TTN: variants seen among roughly 807,000 people sequenced by gnomAD.
TTN encodes connectin.
In TTN, 1,525 loss-of-function variants were observed where a neutral mutation model predicts 3,223.0. The ratio of observed to expected loss-of-function variants is 0.47; its 90% CI spans 0.45 to 0.49. The LOEUF (loss-of-function observed/expected upper bound fraction) is 0.49, where lower values mean the gene tolerates loss of function less well. Among genes scored for constraint, TTN ranks in the 20% least tolerant of loss-of-function variants. TTN has a pLI of 0.00. For synonymous variants in TTN, 14,094 were observed against 15,161.0 expected (o/e 0.93, Z 5.17); for missense variants, 40,786 against 43,424.0 (o/e 0.94, Z 5.40).
rs780845008 is a variant in TTN at position 178,704,889 on chromosome 2, C to A, written c.29682G>T (p.Leu9894=). 1 of 1,613,424 alleles carries A rather than the reference C, an allele frequency of 6.2e-7. No homozygotes were observed. Among genetic ancestry groups the A allele is most frequent in the South Asian group, 1.1e-5 (1 of 91,016 alleles). ...TAATTCTTTTTACCTCTGTCTGTGA[C>A]AGTCTTTGCTGAATAAATGATACAA... ...EELVSFIQQR[L]SQTEPVTLIK... The change falls in exon 104 of 363, where the codon CTG becomes CTT. Residue 9894 remains leucine (L), a synonymous_variant. Transcript: ENST00000589042.
Position 178,529,974 on chromosome 2 carries a change from T to G in TTN, c.106517A>C (p.Lys35506Thr), listed in dbSNP as rs1688340193. The G allele has an allele frequency of 5.6e-6, 9 of 1,595,150 alleles. No homozygotes were observed. Among genetic ancestry groups the G allele is most frequent in the Non-Finnish European group, 6.8e-6 (8 of 1,175,612 alleles). ...AGCCAACCTACCTTTTATTGTTAATTTGCAGCTAGAGGACACAGATCCAGC... is the reference window on the plus strand; with the variant it reads ...AGCCAACCTACCTTTTATTGTTAATGTGCAGCTAGAGGACACAGATCCAGC... Reference protein sequence around the residue: ...NSAGSVSSSCKLTIKAIKDTE... With the variant: ...NSAGSVSSSCTLTIKAIKDTE... Residue 35506 changes from lysine (K) to threonine (T), a missense_variant, in exon 359 of 363, where the codon AAA becomes ACA. Lys to Thr is a moderately conservative substitution (Grantham distance 78). Transcript: ENST00000589042.
chr2:178,575,165 G>A lies in TTN; in HGVS notation c.70967C>T (p.Pro23656Leu), dbSNP rs368938701. 4 of 1,612,534 alleles carry A rather than the reference G, an allele frequency of 2.5e-6. No individual in the cohort carries two copies. Among genetic ancestry groups the A allele is most frequent in the Non-Finnish European group, 3.4e-6 (4 of 1,179,326 alleles). Residue 23656 changes from proline to leucine, a missense_variant, in exon 326 of 363, where the codon CCA (proline) becomes CTA (leucine). By Grantham distance (98) the Pro-to-Leu change is moderately conservative (BLOSUM62 -3). Coordinates refer to ENST00000589042, the MANE Select transcript of TTN (RefSeq NM_001267550.2). The surrounding 1 kb of genome is among the most constrained non-coding windows in gnomAD (Gnocchi z 4.0). Reference protein sequence around the residue: ...KAGDNIKVEIPVLGRPKPTVT... With the variant: ...KAGDNIKVEILVLGRPKPTVT... The stretch of plus-strand genomic sequence containing the variant: ...TGTGGGCTTCGGTCGACCGAGCACT[G>A]GAATTTCAACTTTGATGTTGTCACC...
At chr2:178,671,212 A>G (rs778191097) in intron 155 of TTN, 42 bp from the exon 156 acceptor site, 1 of 1,466,936 alleles carries the variant, frequency 6.8e-7, no homozygotes, top group Non-Finnish European at 9.2e-7. Context: ...GAACTCTTGA[A>G]GTATTTTGGA....
rs773339782 is a variant in TTN at position 178,552,613 on chromosome 2, T to A, written c.90287A>T (p.Gln30096Leu). 1.9e-6 allele frequency: 3 copies of A among 1,613,820 alleles called. No homozygotes were observed. Among genetic ancestry groups the A allele is most frequent in the Non-Finnish European group, 2.5e-6 (3 of 1,179,848 alleles). ...CEIEVSQLKE[Q>L]SVLEFRVFAK... ...AAACACTCTGAACTCCAGGACTGACTGCTCCTTAAGTTGGCTAACCTCAAT... is the reference window on the plus strand; with the variant it reads ...AAACACTCTGAACTCCAGGACTGACAGCTCCTTAAGTTGGCTAACCTCAAT... The change falls in exon 335 of 363, where the codon CAG (glutamine) becomes CTG (leucine). Residue 30096 changes from glutamine to leucine, a missense_variant. Physicochemically the swap from Gln to Leu is moderately radical, Grantham distance 113. Transcript: ENST00000589042.
In TTN at chr2:178,633,176, T is replaced by C. The variant is rs1480726260; in HGVS notation, c.43086+11A>G. The C allele has an allele frequency of 3.1e-6, 5 of 1,609,468 alleles. No individual in the cohort carries two copies. Among genetic ancestry groups the C allele is most frequent in the Admixed American group, 1.7e-5 (1 of 59,640 alleles). ...ACCCCTCTCCTATATAATTAGCTAA[T>C]CTTGACTTACAGGGGAAGCTGTCAA... is the stretch of plus-strand genomic sequence containing the variant. On this transcript the variant is annotated intron_variant, in intron 233 of 362. Transcript: ENST00000589042.
chr2:178,693,974 T>G lies in TTN; in HGVS notation c.31461A>C (p.Ser10487=). Residue 10487 remains serine (S), a synonymous_variant, in exon 118 of 363, where the codon TCA becomes TCC. Coordinates refer to ENST00000589042, the MANE Select transcript of TTN (RefSeq NM_001267550.2). ...GAGAAGCAAAGAACATCTTTTCTTC[T>G]GAAATAACCATCTTCTTTGTATGCA... ...PAVHTKKMVI[S]EEKMFFASHT... The G allele has an allele frequency of 6.2e-7, 1 of 1,612,696 alleles. No individual in the cohort carries two copies.
At chr2:178,654,176 G>A in intron 193 of TTN, 32 bp downstream of exon 193, 1 of 1,585,930 alleles carries the variant, frequency 6.3e-7, no homozygotes, top group Non-Finnish European at 8.5e-7. Flanking sequence ...CAGACAGTAA[G>A]TTATTCTTAG....
At chr2:178,774,654 T>C (rs2091987471) in intron 29 of TTN, 181 bp from the exon 30 acceptor site, 1 of 699,268 alleles carries the variant, frequency 1.4e-6, no homozygotes, top group Non-Finnish European at 2.3e-6. Flanking sequence ...TTTATTTTAA[T>C]TTTTAAATAT....
chr2:178,703,061 T>C (rs1015672960), intron 106 of TTN, among the ~76,000 whole-genome samples: 1 of 152,218 alleles, frequency 6.6e-6, no homozygotes, highest in African/African-American at 2.4e-5. Context: ...ATTTTTGCTA[T>C]TCAGGATCTA....
intron 273 of TTN, 33 bp from the exon 274 acceptor site, chr2:178,608,941 T>C: frequency 6.3e-7 from 1 of 1,589,240 alleles, no homozygotes; most frequent in Non-Finnish European, 8.5e-7. Flanking sequence ...TAATCAAAAA[T>C]TTGTGTGGGA....
In TTN at chr2:178,561,558, C is replaced by T. The variant is rs879123930; in HGVS notation, c.84574G>A (p.Glu28192Lys). ...GGSRVIGYHL[E>K]YKERSSILWS... Reference sequence around the variant, plus strand: ...AGAATGCTGCTTCTTTCTTTATACTCAAGATGATAGCCAATTACTCGACTT... The same window carrying T: ...AGAATGCTGCTTCTTTCTTTATACTTAAGATGATAGCCAATTACTCGACTT... Residue 28192 changes from glutamate (E) to lysine (K), a missense_variant, in exon 326 of 363, where the codon GAG (glutamate) becomes AAG (lysine). By Grantham distance (56) the Glu-to-Lys change is moderately conservative. Transcript: ENST00000589042. The T allele has an allele frequency of 2.5e-6, 4 of 1,613,192 alleles. No homozygotes were observed. The highest frequency in any genetic ancestry group is 3.4e-6 in the Non-Finnish European group (4 of 1,179,576).
rs143352892 is a variant in TTN at position 178,704,978 on chromosome 2, A to G, written c.29605-12T>C. The G allele has an allele frequency of 2.2e-3, 3,476 of 1,611,396 alleles. 51 individuals are homozygous for G. Among genetic ancestry groups the G allele is most frequent in the South Asian group, 0.021 (1,919 of 90,700 alleles). ...ATTTCCTCAATTTCCTGAGAAGAAC[A>G]AAAATGATAGGCATTACAGATGAAA... On this transcript the variant is annotated splice_polypyrimidine_tract_variant and intron_variant, in intron 103 of 362. Coordinates refer to ENST00000589042, the MANE Select transcript of TTN (RefSeq NM_001267550.2).
chr2:178,729,777 C>T lies in TTN; in HGVS notation c.18476G>A (p.Gly6159Asp), dbSNP rs1214856110. 9 of 1,613,726 alleles carry T rather than the reference C, an allele frequency of 5.6e-6. No homozygotes were observed. The East Asian group carries it at 2.0e-4, about 36-fold the overall frequency. The change falls in exon 63 of 363, where the codon GGT becomes GAT. Residue 6159 changes from glycine to aspartate, a missense_variant. Transcript: ENST00000589042. ...IQKHGISFID[G>D]LATFQISGAR... The stretch of plus-strand genomic sequence containing the variant: ...ACCAGAAATCTGGAAAGTGGCTAAA[C>T]CATCAATGAAGGAAATGCCATGTTT...
In TTN at chr2:178,553,936, G is replaced by A. The variant is rs769710872; in HGVS notation, c.89175C>T (p.Phe29725=). The change falls in exon 333 of 363, where the codon TTC becomes TTT. Residue 29725 remains phenylalanine, a synonymous_variant. Coordinates refer to ENST00000589042, the MANE Select transcript of TTN (RefSeq NM_001267550.2). ...TACCAATAGGATCAGCAGCTTTGTA[G>A]AATTCAGATGGTTCAGAAAATGGAC... ...GQGPFSEPSE[F]YKAADPIDPP... is the part of the protein sequence containing the mutation. 5.0e-6 allele frequency: 8 copies of A among 1,602,932 alleles called. 2 individuals are homozygous for A. The South Asian group carries it at 7.8e-5, about 16-fold the overall frequency.
chr2:178,556,790 G>C, intron 330 of TTN, 58 bp downstream of exon 330: 2 of 1,576,558 alleles, frequency 1.3e-6, no homozygotes, highest in Non-Finnish European at 1.7e-6. Context: ...CCAGGAAAAG[G>C]TATGCGGAAA....
Position 178,729,795 on chromosome 2 carries a change from C to T in TTN, c.18458G>A (p.Gly6153Asp), listed in dbSNP as rs374460910. The change falls in exon 63 of 363, where the codon GGC becomes GAC. Residue 6153 changes from glycine (G) to aspartate (D), a missense_variant. Coordinates refer to ENST00000589042, the MANE Select transcript of TTN (RefSeq NM_001267550.2). Reference sequence around the variant, plus strand: ...GGCTAAACCATCAATGAAGGAAATGCCATGTTTCTGAATGGCTGTTATTTC... The same window carrying T: ...GGCTAAACCATCAATGAAGGAAATGTCATGTTTCTGAATGGCTGTTATTTC... Reference protein sequence around the residue: ...GNEITAIQKHGISFIDGLATF... With the variant: ...GNEITAIQKHDISFIDGLATF... 1.1e-5 allele frequency: 18 copies of T among 1,613,586 alleles called. No homozygotes were observed. The highest frequency in any genetic ancestry group is 1.7e-5 in the Admixed American group (1 of 59,960).
At position 178,711,166 on chromosome 2, in the gene TTN, G is replaced by A. The variant is rs144930507; in HGVS notation, c.28070C>T (p.Thr9357Ile). The change falls in exon 97 of 363, where the codon ACA becomes ATA. Residue 9357 changes from threonine (T) to isoleucine (I), a missense_variant. By Grantham distance (89) the Thr-to-Ile change is moderately conservative. Coordinates refer to ENST00000589042, the MANE Select transcript of TTN (RefSeq NM_001267550.2). ...CCGGTCAGTTTTAAAAATATTGAGT[G>A]TGGCTGTATTGTCTAAAAATGATGT... ...VQTSFLDNTA[T>I]LNIFKTDRSL... is the part of the protein sequence containing the mutation. 517 of 1,613,852 alleles carry A rather than the reference G, an allele frequency of 3.2e-4. 1 individual carries two copies. In the African/African-American group the frequency reaches 6.0e-3, roughly 19 times the overall value.
chr2:178,589,702 G>T lies in TTN; in HGVS notation c.62023C>A (p.Leu20675Ile). ...PIDRPGEPEN[L>I]HIADKGKTFV... is the part of the protein sequence containing the mutation. ...GTCTTTCCTTTATCTGCAATGTGAA[G>T]GTTTTCAGGCTCACCTGGTCTGTCA... The change falls in exon 304 of 363, where the codon CTT becomes ATT. Residue 20675 changes from leucine (L) to isoleucine (I), a missense_variant. Leu to Ile is a conservative substitution (Grantham distance 5). Transcript: ENST00000589042. 1.2e-6 allele frequency: 2 copies of T among 1,613,538 alleles called. No homozygotes were observed. Among genetic ancestry groups the T allele is most frequent in the Non-Finnish European group, 8.5e-7 (1 of 1,179,604 alleles).
Position 178,730,325 on chromosome 2 carries a change from G to A in TTN, c.18075C>T (p.Pro6025=), listed in dbSNP as rs557350005. The A allele has an allele frequency of 2.4e-4, 389 of 1,610,940 alleles. 5 individuals are homozygous for A. The South Asian group carries it at 4.0e-3, about 16-fold the overall frequency. The change falls in exon 62 of 363, where the codon CCC becomes CCT. Residue 6025 remains proline, a synonymous_variant. Coordinates refer to ENST00000589042, the MANE Select transcript of TTN (RefSeq NM_001267550.2). ...GAGCCTTTAACTGTACCCTTGTGTT[G>A]GGATTGACATCTTGTGACTGTGGCT... ...VEKPQSQDVN[P]NTRVQLKALV...
Sources: allele counts gnomAD v4.1 joint callset (sites outside exome capture counted in the v4.1 genomes callset), GRCh38; gene constraint gnomAD v4.1.1; non-coding constraint Gnocchi (gnomAD v3.1); transcripts MANE v1.5; gene names NCBI Gene and HGNC (gene_info 2026-07-23, HGNC 2026-07-21).